TMEM132C: variants seen among roughly 807,000 people sequenced by gnomAD.
The protein encoded by TMEM132C is transmembrane protein 132C.
A neutral mutation model predicts 61.4 loss-of-function variants in TMEM132C; 29 were observed. The ratio of observed to expected loss-of-function variants is 0.47; its 90% CI spans 0.35 to 0.64. The LOEUF (loss-of-function observed/expected upper bound fraction) is 0.64, where lower values mean the gene tolerates loss of function less well. Ranked by LOEUF, TMEM132C falls within the 30% of genes least tolerant of loss-of-function variation. The probability of loss-of-function intolerance (pLI) is 0.00; values close to 1 mark genes in which losing one functional copy is unlikely to be tolerated. For synonymous variants in TMEM132C, 656 were observed against 633.1 expected (o/e 1.04, Z -0.54); for missense variants, 1,408 against 1,476.9 (o/e 0.95, Z 0.76).
At chr12:128,650,127 A>G (rs1339181151) in intron 4 of TMEM132C, among the ~76,000 whole-genome samples, 1 of 152,184 alleles carries the variant, frequency 6.6e-6, no homozygotes, top group Non-Finnish European at 1.5e-5. Flanking sequence ...TTGTGAGTCT[A>G]TGTTCCTCCA....
intron 1 of TMEM132C, among the ~76,000 whole-genome samples, chr12:128,410,729 G>A (rs1194687062): frequency 6.6e-6 from 1 of 152,106 alleles, no homozygotes; most frequent in East Asian, 1.9e-4. Context: ...TTAAAATAAA[G>A]ATGTTCTCTT....
At chr12:128,456,366 C>A (rs1340684924) in intron 2 of TMEM132C, among the ~76,000 whole-genome samples, 1 of 52,498 alleles carries the variant, frequency 1.9e-5, no homozygotes, top group African/African-American at 6.1e-5. Flanking sequence ...TCTGATTAGC[C>A]TTTTTTTTTT....
chr12:128,511,507 C>G (rs1872562807), intron 2 of TMEM132C, among the ~76,000 whole-genome samples: 1 of 152,224 alleles, frequency 6.6e-6, no homozygotes, highest in Non-Finnish European at 1.5e-5. Context: ...TTGAAGCCAT[C>G]TAAGGGAAGA....
Position 128,326,798 on chromosome 12 carries a change from T to A in TMEM132C, c.85+59311T>A, listed in dbSNP as rs530950875. 6.7e-6 allele frequency among the ~76,000 whole-genome samples: 1 copy of A among 149,430 alleles called. No homozygotes were observed. Among genetic ancestry groups the A allele is most frequent in the African/African-American group, 2.5e-5 (1 of 39,320 alleles). On this transcript the variant is annotated intron_variant, in intron 1 of 8. Transcript: ENST00000435159. This position sits in a 1 kb window ranked among gnomAD's most constrained non-coding sequence, Gnocchi z 5.6. ...CATCTCGTTACCGACTTCACAATAT[T>A]TTTTTTTTCTTTCTTAACAACGTAG...
intron 4 of TMEM132C, among the ~76,000 whole-genome samples, chr12:128,660,038 G>C (rs1262339469): frequency 6.6e-6 from 1 of 152,228 alleles, no homozygotes; most frequent in Non-Finnish European, 1.5e-5. Context: ...CTTCAAATCA[G>C]GGTGAGAACA....
In TMEM132C at chr12:128,668,302, A is replaced by G. The variant is rs1360142997; in HGVS notation, c.1306-1115A>G. Among the ~76,000 whole-genome samples the G allele has an allele frequency of 2.0e-5, 3 of 151,582 alleles. No individual in the cohort carries two copies. The East Asian group carries it at 5.8e-4, about 29-fold the overall frequency. On this transcript the variant is annotated intron_variant, in intron 4 of 8. Transcript: ENST00000435159. ...TTGAAGATGAGGGAAGGGGAGATGA[A>G]GGGGGAAAAAAGATGTCAAGAAAAT...
chr12:128,436,363 A>G (rs1259393117), intron 2 of TMEM132C, among the ~76,000 whole-genome samples: 1 of 152,252 alleles, frequency 6.6e-6, no homozygotes, highest in Non-Finnish European at 1.5e-5. Flanking sequence ...TGAACAGGCA[A>G]CCTACAGAAT....
intron 3 of TMEM132C, among the ~76,000 whole-genome samples, chr12:128,614,162 G>A (rs1487798680): frequency 3.3e-5 from 5 of 152,136 alleles, no homozygotes; most frequent in Non-Finnish European, 7.3e-5. Flanking sequence ...CGGTTCTATT[G>A]ATCAACAGCT....
chr12:128,520,445 C>T (rs551499197), intron 2 of TMEM132C, among the ~76,000 whole-genome samples: 2 of 152,282 alleles, frequency 1.3e-5, no homozygotes, highest in African/African-American at 4.8e-5. Context: ...TAAATATGAA[C>T]CCTTGGTTCA....
chr12:128,413,752 T>C (rs1251616922), intron 1 of TMEM132C, among the ~76,000 whole-genome samples: 3 of 152,154 alleles, frequency 2.0e-5, no homozygotes, highest in Non-Finnish European at 2.9e-5. Flanking sequence ...ATTAGGGCCA[T>C]TAGCCCTTTT....
intron 2 of TMEM132C, among the ~76,000 whole-genome samples, chr12:128,424,662 T>C (rs1250113340): frequency 1.3e-5 from 2 of 152,210 alleles, no homozygotes; most frequent in African/African-American, 4.8e-5. Context: ...GTGGTGATGG[T>C]TGCACAACTT....
chr12:128,327,443 C>T (rs1872556995), intron 1 of TMEM132C, among the ~76,000 whole-genome samples: 1 of 149,338 alleles, frequency 6.7e-6, no homozygotes. Context: ...AGTGTAGTGG[C>T]GCGATCCCGG....
At chr12:128,287,371 T>A (rs1209601323) in intron 1 of TMEM132C, among the ~76,000 whole-genome samples, 2 of 152,076 alleles carry the variant, frequency 1.3e-5, no homozygotes, top group Non-Finnish European at 2.9e-5. Flanking sequence ...GTACAAAGAG[T>A]CTTACATACT....
In TMEM132C at chr12:128,550,420, G is replaced by A. The variant is rs187048250; in HGVS notation, c.1121+6317G>A. On this transcript the variant is annotated intron_variant, in intron 3 of 8. Transcript: ENST00000435159. ...TGGGCTCAAGCGATCCTCCTCTCAAGCGATCCGCCAAGTAGCTGAGACTAC... is the reference window on the plus strand; with the variant it reads ...TGGGCTCAAGCGATCCTCCTCTCAAACGATCCGCCAAGTAGCTGAGACTAC... Among the ~76,000 whole-genome samples the A allele has an allele frequency of 3.9e-3, 598 of 151,990 alleles. 7 individuals carry two copies. Among genetic ancestry groups the A allele is most frequent in the Non-Finnish European group, 2.2e-3 (148 of 67,980 alleles).
intron 1 of TMEM132C, among the ~76,000 whole-genome samples, chr12:128,406,744 T>C (rs1214102091): frequency 6.6e-6 from 1 of 152,138 alleles, no homozygotes; most frequent in African/African-American, 2.4e-5. Flanking sequence ...TTATTACGAG[T>C]CAGGCACTTG....
intron 3 of TMEM132C, among the ~76,000 whole-genome samples, chr12:128,561,702 C>A (rs1874524900): frequency 6.6e-6 from 1 of 152,198 alleles, no homozygotes; most frequent in Non-Finnish European, 1.5e-5. Flanking sequence ...AAGGAACCCA[C>A]ATAAAGAAGT....
chr12:128,532,001 C>T (rs1253666601), intron 2 of TMEM132C, among the ~76,000 whole-genome samples: 1 of 152,166 alleles, frequency 6.6e-6, no homozygotes, highest in Non-Finnish European at 1.5e-5. Context: ...TCAATAGTTT[C>T]TATGCAGAGC....
intron 2 of TMEM132C, among the ~76,000 whole-genome samples, chr12:128,526,076 GAAGTC>G (rs1019713460): frequency 5.9e-5 from 9 of 152,224 alleles, no homozygotes; most frequent in African/African-American, 2.2e-4. Flanking sequence ...CAGTCACAGG[GAAGTC>G]ACCTGGTAAG....
intron 3 of TMEM132C, among the ~76,000 whole-genome samples, chr12:128,614,959 T>G (rs1481972674): frequency 6.6e-6 from 1 of 152,184 alleles, no homozygotes; most frequent in East Asian, 1.9e-4. Context: ...TGTGAGGGCC[T>G]GGATGCCAGG....
Sources: allele counts gnomAD v4.1 joint callset (sites outside exome capture counted in the v4.1 genomes callset), GRCh38; gene constraint gnomAD v4.1.1; non-coding constraint Gnocchi (gnomAD v3.1); transcripts MANE v1.5; gene names NCBI Gene and HGNC (gene_info 2026-07-23, HGNC 2026-07-21).